LRRIQ3: variants seen among roughly 807,000 people sequenced by gnomAD.
LRRIQ3 encodes leucine rich repeats and IQ motif containing 3.
A neutral mutation model predicts 59.3 loss-of-function variants in LRRIQ3; 75 were observed. The ratio of observed to expected loss-of-function variants is 1.26; its 90% CI spans 1.05 to 1.53. LRRIQ3 has a LOEUF of 1.53. LRRIQ3 is among the 40% of genes most tolerant of loss of function. The pLI is 0.00. For synonymous variants in LRRIQ3, 250 were observed against 231.3 expected, an observed-to-expected ratio of 1.08 and a Z score of -0.73; for missense variants, 831 against 710.0, an observed-to-expected ratio of 1.17 and a Z score of -1.94.
At chr1:74,079,645 T>C (rs1646250723) in intron 5 of LRRIQ3, among the ~76,000 whole-genome samples, 1 of 151,818 alleles carries the variant, frequency 6.6e-6, no homozygotes, top group African/African-American at 2.4e-5. Context: ...GACTTTTCTT[T>C]TCTTTTTTAC....
At position 74,026,276 on chromosome 1, in the gene LRRIQ3, T is replaced by C. The variant is rs1653512139; in HGVS notation, c.*537A>G. 6.6e-6 allele frequency: 1 copy of C among 152,128 alleles called. No individual in the cohort carries two copies. Among genetic ancestry groups the C allele is most frequent in the South Asian group, 2.1e-4 (1 of 4,840 alleles). The allele number at this position is 152,128 out of a possible 1,614,324, so 9.4% of individuals were successfully genotyped here. Reference sequence around the variant, plus strand: ...AGAATGTTTAATTTACTTTTCATAGTTCATATTTTCTGAATTTTTATAACA... The same window carrying C: ...AGAATGTTTAATTTACTTTTCATAGCTCATATTTTCTGAATTTTTATAACA... On this transcript the variant is annotated 3_prime_UTR_variant, in exon 8 of 8. Transcript: ENST00000354431.
At chr1:74,029,738 T>C (rs1653639245) in intron 7 of LRRIQ3, among the ~76,000 whole-genome samples, 1 of 152,140 alleles carries the variant, frequency 6.6e-6, no homozygotes, top group Non-Finnish European at 1.5e-5. Context: ...GGATTCCTTC[T>C]TTTTCTATTG....
intron 6 of LRRIQ3, among the ~76,000 whole-genome samples, chr1:74,055,694 C>A (rs76133517): frequency 0.012 from 1,833 of 152,100 alleles, 30 homozygotes; most frequent in African/African-American, 0.042. Context: ...TTTATGTGGA[C>A]ATATGTTTAT....
intron 4 of LRRIQ3, among the ~76,000 whole-genome samples, chr1:74,140,932 T>C (rs1647228548): frequency 6.6e-6 from 1 of 151,868 alleles, no homozygotes; most frequent in African/African-American, 2.4e-5. Flanking sequence ...TTTTAAATTT[T>C]TGAAAAAATT....
Position 74,035,413 on chromosome 1 carries a change from G to A in LRRIQ3, c.1718+5800C>T, listed in dbSNP as rs188655762. On this transcript the variant is annotated intron_variant, in intron 7 of 7. Coordinates refer to ENST00000354431, the MANE Select transcript of LRRIQ3 (RefSeq NM_001105659.2). ...CTCATTTTATATTTATATGGGTCAT[G>A]GTTTTATGTTCTTAAAAATGTTCCT... 2.9e-3 allele frequency among the ~76,000 whole-genome samples: 443 copies of A among 152,082 alleles called. 1 individual carries two copies. Among genetic ancestry groups the A allele is most frequent in the African/African-American group, 0.01 (423 of 41,504 alleles).
At chr1:74,102,294 T>G (rs1413765510) in intron 5 of LRRIQ3, among the ~76,000 whole-genome samples, 2 of 151,988 alleles carry the variant, frequency 1.3e-5, no homozygotes, top group Admixed American at 1.3e-4. Context: ...CATTAAGAAC[T>G]AATTTAAAAA....
chr1:74,041,805 G>C lies in LRRIQ3; in HGVS notation c.1126C>G (p.His376Asp). ...NNAVLREKKQHFFPAYPQPIY... is the reference protein window; with the variant it reads ...NNAVLREKKQDFFPAYPQPIY... ...GGCTGAGGATATGCAGGAAAAAAAT[G>C]TTGTTTTTTCTCTCTCAATACTGCA... Residue 376 changes from histidine to aspartate, a missense_variant, in exon 7 of 8, where the codon CAT (histidine) becomes GAT (aspartate). Transcript: ENST00000354431. The C allele has an allele frequency of 6.2e-7, 1 of 1,613,416 alleles. No homozygotes were observed. The highest frequency in any genetic ancestry group is 8.5e-7 in the Non-Finnish European group (1 of 1,179,690).
intron 4 of LRRIQ3, among the ~76,000 whole-genome samples, chr1:74,117,061 C>T (rs908038173): frequency 1.3e-5 from 2 of 152,000 alleles, no homozygotes; most frequent in Non-Finnish European, 2.9e-5. Context: ...AGAATCATCA[C>T]AATAATCATC....
intron 6 of LRRIQ3, among the ~76,000 whole-genome samples, chr1:74,061,691 G>A (rs1486495450): frequency 6.6e-6 from 1 of 152,108 alleles, no homozygotes; most frequent in East Asian, 1.9e-4. Context: ...ATGGGACCAG[G>A]CAAAGATTTC....
At chr1:74,081,790 A>G (rs1233521250) in intron 5 of LRRIQ3, 1 of 151,466 alleles carries the variant, frequency 6.6e-6, no homozygotes, top group East Asian at 1.9e-4. Context: ...AAATAATTCT[A>G]TATCTTTATC....
chr1:74,117,548 T>C (rs1168873469), intron 4 of LRRIQ3, among the ~76,000 whole-genome samples: 1 of 152,118 alleles, frequency 6.6e-6, no homozygotes, highest in Non-Finnish European at 1.5e-5. Context: ...GGCAAATCAC[T>C]TGAGGTCAGG....
At position 74,109,551 on chromosome 1, in the gene LRRIQ3, G is replaced by A. The variant is rs1646662026; in HGVS notation, c.710C>T (p.Pro237Leu). 6.5e-7 allele frequency: 1 copy of A among 1,550,154 alleles called. No individual in the cohort carries two copies. The highest frequency in any genetic ancestry group is 8.6e-7 in the Non-Finnish European group (1 of 1,156,748). The change falls in exon 5 of 8, where the codon CCT becomes CTT. Residue 237 changes from proline (P) to leucine (L), a missense_variant and splice_region_variant. By Grantham distance (98) the Pro-to-Leu change is moderately conservative. Transcript: ENST00000354431. ...RGFLVRKNLS[P>L]VFFHKKKQQE... ...CTGTTTTTTTTTGTGGAAAAACACA[G>A]GGCTGAATATAAGGGGAGGGGAAAA...
chr1:74,082,629 C>T (rs1162080509), intron 5 of LRRIQ3: 1 of 151,474 alleles, frequency 6.6e-6, no homozygotes, highest in East Asian at 1.9e-4. Flanking sequence ...TTTGCTCTTA[C>T]TTTACCTAAA....
chr1:74,183,425 C>T lies in LRRIQ3; in HGVS notation c.249+11G>A, dbSNP rs780480755. On this transcript the variant is annotated intron_variant, in intron 2 of 7. Transcript: ENST00000354431. ...GTTTATATGCAAATATCTGAAATGG[C>T]TATTGCTTACCTGATTTCCATGGAG... The T allele has an allele frequency of 1.0e-5, 16 of 1,544,642 alleles. No homozygotes were observed. In the South Asian group the frequency reaches 1.9e-4, roughly 18 times the overall value.
At position 74,143,527 on chromosome 1, in the gene LRRIQ3, C is replaced by T. The variant is rs114429967; in HGVS notation, c.707+12206G>A. On this transcript the variant is annotated intron_variant, in intron 4 of 7. Coordinates refer to ENST00000354431, the MANE Select transcript of LRRIQ3 (RefSeq NM_001105659.2). ...AATTCACTGTATGAAACATTTTTCA[C>T]GCAAATGTTGGCATACATTTATTAT... Among the ~76,000 whole-genome samples, 1,439 of 151,766 alleles carry T rather than the reference C, an allele frequency of 9.5e-3. 9 individuals are homozygous for T. The highest frequency in any genetic ancestry group is 0.013 in the Non-Finnish European group (915 of 67,820).
intron 5 of LRRIQ3, among the ~76,000 whole-genome samples, chr1:74,092,558 T>C (rs1386080901): frequency 6.6e-6 from 1 of 151,992 alleles, no homozygotes; most frequent in African/African-American, 2.4e-5. Context: ...TGACTGAGTG[T>C]GTTGTGTTAC....
At chr1:74,115,362 T>C (rs1459990915) in intron 4 of LRRIQ3, among the ~76,000 whole-genome samples, 3 of 152,142 alleles carry the variant, frequency 2.0e-5, no homozygotes, top group Non-Finnish European at 4.4e-5. Flanking sequence ...AATCTCAACA[T>C]TTCTTTAATA....
At chr1:74,101,587 C>T (rs533165610) in intron 5 of LRRIQ3, among the ~76,000 whole-genome samples, 170 of 152,234 alleles carry the variant, frequency 1.1e-3, no homozygotes, top group Non-Finnish European at 1.9e-3. Flanking sequence ...ATAAATCATG[C>T]TGCTATAAAG....
chr1:74,161,175 T>C (rs932550849), intron 3 of LRRIQ3, among the ~76,000 whole-genome samples: 3 of 151,896 alleles, frequency 2.0e-5, no homozygotes, highest in African/African-American at 7.2e-5. Context: ...AGGGGACGGA[T>C]CTCTCTGGGG....
Sources: allele counts gnomAD v4.1 joint callset (sites outside exome capture counted in the v4.1 genomes callset), GRCh38; gene constraint gnomAD v4.1.1; transcripts MANE v1.5; gene names NCBI Gene and HGNC (gene_info 2026-07-23, HGNC 2026-07-21).